Variants in ZNF385D observed in about 807,000 individuals in gnomAD.
The protein encoded by ZNF385D is zinc finger protein 659.
In ZNF385D, 15 loss-of-function variants were observed where a neutral mutation model predicts 35.8. The ratio of observed to expected loss-of-function variants is 0.42; its 90% CI spans 0.28 to 0.64. ZNF385D has a LOEUF of 0.64. ZNF385D is among the 30% of genes least tolerant of loss of function. ZNF385D has a pLI of 0.23. For synonymous variants in ZNF385D, 212 were observed against 186.8 expected, an observed-to-expected ratio of 1.13 and a Z score of -1.10; for missense variants, 474 against 494.6, an observed-to-expected ratio of 0.96 and a Z score of 0.39.
At position 21,787,279 on chromosome 3, in the gene ZNF385D, A is replaced by C. The variant is rs147629491; in HGVS notation, c.326-122251T>G. On this transcript the variant is annotated intron_variant, in intron 3 of 5. Coordinates refer to the ZNF385D transcript ENST00000494108. ...AGGTGTGGGTGCAAACAGAGAGCAT[A>C]CCTCCTTCCCCTCCTCTCCTCTTTC... is the stretch of plus-strand genomic sequence containing the variant. Among the ~76,000 whole-genome samples, 201 of 152,180 alleles carry C rather than the reference A, an allele frequency of 1.3e-3. 1 individual carries two copies. Among genetic ancestry groups the C allele is most frequent in the African/African-American group, 4.3e-3 (179 of 41,508 alleles).
intron 3 of ZNF385D, among the ~76,000 whole-genome samples, chr3:21,553,048 T>C (rs540149440): frequency 1.3e-5 from 2 of 152,252 alleles, no homozygotes; most frequent in East Asian, 3.9e-4. Flanking sequence ...CTTGCTGTTT[T>C]TGAAGATGAA....
At chr3:21,556,030 A>G (rs1457531082) in intron 3 of ZNF385D, among the ~76,000 whole-genome samples, 3 of 132,646 alleles carry the variant, frequency 2.3e-5, no homozygotes, top group South Asian at 2.4e-4. Context: ...GTGTCTGTTC[A>G]TATCCTTTGC....
intron 3 of ZNF385D, among the ~76,000 whole-genome samples, chr3:22,163,975 T>C (rs1357971993): frequency 3.9e-5 from 6 of 152,312 alleles, no homozygotes; most frequent in Non-Finnish European, 8.8e-5. Flanking sequence ...TCTGTGTAGG[T>C]AAACAAATGA....
chr3:22,048,476 T>C lies in ZNF385D; in HGVS notation c.325+120341A>G, dbSNP rs1699143568. On this transcript the variant is annotated intron_variant, in intron 3 of 5. Transcript: ENST00000494108. ...TATTTTGCATGTGAATGTCAAGTTT[T>C]CCCAGCCCGATTTGTTGAAGGGACT... Among the ~76,000 whole-genome samples, 2 of 152,304 alleles carry C rather than the reference T, an allele frequency of 1.3e-5. 1 individual carries two copies. Among genetic ancestry groups the C allele is most frequent in the South Asian group, 4.1e-4 (2 of 4,824 alleles).
intron 4 of ZNF385D, among the ~76,000 whole-genome samples, chr3:21,508,178 T>C (rs931323627): frequency 5.3e-5 from 8 of 152,166 alleles, no homozygotes; most frequent in African/African-American, 1.9e-4. Context: ...TAGCTCCAGC[T>C]TGGAAGGGTG....
At chr3:22,001,994 T>C (rs1360408828) in intron 3 of ZNF385D, among the ~76,000 whole-genome samples, 4 of 151,676 alleles carry the variant, frequency 2.6e-5, no homozygotes, top group Non-Finnish European at 5.9e-5. Context: ...AAGAAGTAGA[T>C]TTCAAATAAA....
intron 3 of ZNF385D, among the ~76,000 whole-genome samples, chr3:21,945,145 C>CGTATATGTATATAT: frequency 6.6e-6 from 1 of 151,138 alleles, no homozygotes; most frequent in South Asian, 2.1e-4. Flanking sequence ...TATGTATATG[C>CGTATATGTATATAT]ATATATATAT....
At chr3:21,955,093 A>G (rs1038768113) in intron 3 of ZNF385D, among the ~76,000 whole-genome samples, 2 of 152,164 alleles carry the variant, frequency 1.3e-5, no homozygotes, top group Non-Finnish European at 2.9e-5. Context: ...CTACAAATGG[A>G]GCATCATTGT....
chr3:22,237,823 T>C lies in ZNF385D; in HGVS notation c.107-68788A>G, dbSNP rs149455345. 7.5e-3 allele frequency among the ~76,000 whole-genome samples: 1,140 copies of C among 151,938 alleles called. 18 individuals carry two copies. Among genetic ancestry groups the C allele is most frequent in the African/African-American group, 0.026 (1,081 of 41,352 alleles). On this transcript the variant is annotated intron_variant, in intron 2 of 5. Transcript: ENST00000494108. The stretch of plus-strand genomic sequence containing the variant: ...CATGCCTGGCTAATTTTTGTATTTT[T>C]AGTAGAGGTGGGGTTTCACCACATT...
intron 3 of ZNF385D, among the ~76,000 whole-genome samples, chr3:22,139,238 C>A (rs536102529): frequency 0.015 from 2,266 of 152,184 alleles, 65 homozygotes; most frequent in African/African-American, 0.052. Flanking sequence ...CTAGAAATAC[C>A]ATTTGACCCA....
At position 21,764,846 on chromosome 3, in the gene ZNF385D, G is replaced by A. The variant is rs538963157; in HGVS notation, c.326-99818C>T. ...GTTTTTACATTTATATGCAAGTTGC[G>A]GTATAAGTTTACATTTCTGGCTCCC... On this transcript the variant is annotated intron_variant, in intron 3 of 5. Coordinates refer to the ZNF385D transcript ENST00000494108. 3.9e-5 allele frequency among the ~76,000 whole-genome samples: 6 copies of A among 152,126 alleles called. No homozygotes were observed. In the East Asian group the frequency reaches 1.2e-3, roughly 29 times the overall value.
intron 3 of ZNF385D, among the ~76,000 whole-genome samples, chr3:22,145,480 G>T (rs1261770542): frequency 6.6e-6 from 1 of 152,284 alleles, no homozygotes; most frequent in South Asian, 2.1e-4. Flanking sequence ...CAGACTCTTT[G>T]CCTATGAAGG....
intron 2 of ZNF385D, among the ~76,000 whole-genome samples, chr3:21,578,925 T>C (rs1373504942): frequency 2.0e-5 from 3 of 152,204 alleles, no homozygotes; most frequent in Non-Finnish European, 2.9e-5. Flanking sequence ...AAATGATGCC[T>C]GATTATCTTA....
At chr3:21,632,390 C>A (rs1014227326) in intron 2 of ZNF385D, among the ~76,000 whole-genome samples, 1 of 152,028 alleles carries the variant, frequency 6.6e-6, no homozygotes, top group African/African-American at 2.4e-5. Flanking sequence ...TTTACTGAGT[C>A]TATATCATTA....
At chr3:21,711,294 G>A (rs1191509622) in intron 1 of ZNF385D, among the ~76,000 whole-genome samples, 1 of 151,906 alleles carries the variant, frequency 6.6e-6, no homozygotes, top group Non-Finnish European at 1.5e-5. Flanking sequence ...ACCCGCCTCG[G>A]CCTCCCAAAG....
intron 2 of ZNF385D, among the ~76,000 whole-genome samples, chr3:22,317,766 A>G (rs1394443594): frequency 6.6e-6 from 1 of 152,180 alleles, no homozygotes; most frequent in Non-Finnish European, 1.5e-5. Context: ...CAGCTATTAA[A>G]TAATGTGAAT....
rs73819941 is a variant in ZNF385D at position 21,661,967 on chromosome 3, A to T, written c.165+2919T>A. On this transcript the variant is annotated intron_variant, in intron 2 of 7. Transcript: ENST00000281523. ...ACATTTTATAAGTATACATTTTAAAATTTTTCCTTTATGTTTCTGCCAACT... is the reference window on the plus strand; with the variant it reads ...ACATTTTATAAGTATACATTTTAAATTTTTTCCTTTATGTTTCTGCCAACT... Among the ~76,000 whole-genome samples, 883 of 152,178 alleles carry T rather than the reference A, an allele frequency of 5.8e-3. 5 individuals are homozygous for T. The highest frequency in any genetic ancestry group is 0.02 in the African/African-American group (848 of 41,508).
chr3:21,846,963 G>T (rs772885023), intron 3 of ZNF385D, among the ~76,000 whole-genome samples: 4 of 151,974 alleles, frequency 2.6e-5, no homozygotes, highest in South Asian at 4.1e-4. Context: ...GCATAAAAAG[G>T]TCATGTAACT....
rs1168897875 is a variant in ZNF385D at position 21,413,111 on chromosome 3, CAAT to C, written c.*8100_*8102del. 2 of 151,652 alleles carry C rather than the reference CAAT, an allele frequency of 1.3e-5. No homozygotes were observed. The highest frequency in any genetic ancestry group is 2.4e-5 in the African/African-American group (1 of 41,252). 9.4% of individuals were successfully genotyped at this position (151,652 alleles called of 1,614,324 possible). A position where few individuals can be genotyped will look rare whatever the true frequency, so the allele number is the denominator to read the frequency against. On this transcript the variant is annotated 3_prime_UTR_variant, in exon 8 of 8. Coordinates refer to ENST00000281523, the MANE Select transcript of ZNF385D (RefSeq NM_024697.3). ...GGGTTTTTAATGAAAACAAATATAA[CAAT>C]AACATATAGAATCATCATTCAACTA...
Sources: allele counts gnomAD v4.1 joint callset (sites outside exome capture counted in the v4.1 genomes callset), GRCh38; gene constraint gnomAD v4.1.1; transcripts MANE v1.5; gene names NCBI Gene and HGNC (gene_info 2026-07-23, HGNC 2026-07-21).